Variants in ZFP14 observed in about 807,000 individuals in gnomAD.
ZFP14 encodes ZFP14 zinc finger protein, also known as zinc finger protein 14 homolog.
A neutral mutation model predicts 54.5 loss-of-function variants in ZFP14; 22 were observed. The ratio of observed to expected loss-of-function variants is 0.40; its 90% CI spans 0.29 to 0.58. ZFP14 has a LOEUF of 0.58. Among genes scored for constraint, ZFP14 ranks in the 20% least tolerant of loss-of-function variants. The pLI is 0.39. For missense variants in ZFP14, 470 were observed against 637.8 expected, an observed-to-expected ratio of 0.74 and a Z score of 2.83; for synonymous variants, 159 against 204.0, an observed-to-expected ratio of 0.78 and a Z score of 1.88.
intron 1 of ZFP14, among the ~76,000 whole-genome samples, chr19:36,369,294 T>C (rs2031844332): frequency 6.6e-6 from 1 of 152,234 alleles, no homozygotes; most frequent in South Asian, 2.1e-4. Flanking sequence ...TGCTCTCCTT[T>C]TAATAGCTCA....
At position 36,341,123 on chromosome 19, in the gene ZFP14, T is replaced by A; in HGVS notation, c.703A>T (p.Lys235Ter). 6.2e-7 allele frequency: 1 copy of A among 1,614,088 alleles called. No individual in the cohort carries two copies. Among genetic ancestry groups the A allele is most frequent in the Non-Finnish European group, 8.5e-7 (1 of 1,179,982 alleles). Reference sequence around the variant, plus strand: ...AGTTCTTGGAGCACTGTAAAGGCCTTCCCACACTCCTTACATTCATAGGGT... The same window carrying A: ...AGTTCTTGGAGCACTGTAAAGGCCTACCCACACTCCTTACATTCATAGGGT... Reference protein sequence around the residue: ...EKPYECKECGKAFTVLQELTQ... With the variant: ...EKPYECKECG Residue 235 changes from lysine (K) to a stop codon, truncating the protein, a stop_gained, in exon 5 of 5, where the codon AAG becomes TAG. Transcript: ENST00000270001. LOFTEE classifies it high-confidence loss of function. This position sits in a 1 kb window ranked among gnomAD's most constrained non-coding sequence, Gnocchi z 4.2.
At position 36,340,714 on chromosome 19, in the gene ZFP14, T is replaced by A. The variant is rs139225970; in HGVS notation, c.1112A>T (p.Lys371Met). The stretch of plus-strand genomic sequence containing the variant: ...TAATCTAAAAGTCTTCCCACATTCC[T>A]TACATTCGTAGGGTTTCTCACCAGT... ...IHTGEKPYEC[K>M]ECGKTFRLRQ... The change falls in exon 5 of 5, where the codon AAG (lysine) becomes ATG (methionine). Residue 371 changes from lysine (K) to methionine (M), a missense_variant. By Grantham distance (95) the Lys-to-Met change is moderately conservative. Transcript: ENST00000270001. The surrounding 1 kb of genome is among the most constrained non-coding windows in gnomAD (Gnocchi z 5.4). The A allele has an allele frequency of 6.4e-3, 10,297 of 1,614,100 alleles. 48 individuals carry two copies. Among genetic ancestry groups the A allele is most frequent in the Non-Finnish European group, 8.0e-3 (9,489 of 1,180,014 alleles).
rs936090726 is a variant in ZFP14 at position 36,341,969 on chromosome 19, A to G, written c.236-379T>C. 6.6e-6 allele frequency among the ~76,000 whole-genome samples: 1 copy of G among 151,696 alleles called. No individual in the cohort carries two copies. On this transcript the variant is annotated intron_variant, in intron 4 of 4. Coordinates refer to ENST00000270001, the MANE Select transcript of ZFP14 (RefSeq NM_020917.3). The surrounding 1 kb of genome is among the most constrained non-coding windows in gnomAD (Gnocchi z 4.2). ...CGGGTTCACGCCATTCTCCTGCCTC[A>G]GCCTCCCAAGTAGCTGGGACTACCG...
chr19:36,335,093 C>T lies in ZFP14; in HGVS notation c.*5131G>A, dbSNP rs1031614546. ...TTCACCATGTTGGCCAGGCTGGTCT[C>T]AAACTCCTGACCTCAAGTGATCTGC... On this transcript the variant is annotated 3_prime_UTR_variant, in exon 5 of 5. Coordinates refer to ENST00000270001, the MANE Select transcript of ZFP14 (RefSeq NM_020917.3). 1 of 152,228 alleles carries T rather than the reference C, an allele frequency of 6.6e-6. No homozygotes were observed. Among genetic ancestry groups the T allele is most frequent in the South Asian group, 2.1e-4 (1 of 4,824 alleles). The allele number at this position is 152,228 out of a possible 1,614,324, so 9.4% of individuals were successfully genotyped here.
intron 4 of ZFP14, 64 bp downstream of exon 4, chr19:36,360,371 C>A: frequency 1.4e-6 from 2 of 1,474,978 alleles, no homozygotes; most frequent in Non-Finnish European, 1.9e-6. Context: ...TGTGCCTCCA[C>A]CCTAATCAGT....
In ZFP14 at chr19:36,341,459, A is replaced by T. The variant is rs141835457; in HGVS notation, c.367T>A (p.Trp123Arg). The T allele has an allele frequency of 4.3e-6, 7 of 1,613,980 alleles. No individual in the cohort carries two copies. In the African/African-American group the frequency reaches 8.0e-5, roughly 18 times the overall value. Residue 123 changes from tryptophan (W) to arginine (R), a missense_variant, in exon 5 of 5, where the codon TGG becomes AGG. Physicochemically the swap from Trp to Arg is moderately radical, Grantham distance 101. Coordinates refer to ENST00000270001, the MANE Select transcript of ZFP14 (RefSeq NM_020917.3). This position sits in a 1 kb window ranked among gnomAD's most constrained non-coding sequence, Gnocchi z 4.2. ...CCCTCAATCTTGCTTTTGCATTCCC[A>T]ATCATTCCTAAAAATGGAACCCTGA... ...SLQGSIFRND[W>R]ECKSKIEGEK...
At chr19:36,365,324 C>T (rs186521634) in intron 2 of ZFP14, among the ~76,000 whole-genome samples, 15 of 152,296 alleles carry the variant, frequency 9.8e-5, no homozygotes, top group African/African-American at 3.4e-4. Flanking sequence ...ATCTCTTTTA[C>T]TAAATTCATT....
intron 1 of ZFP14, among the ~76,000 whole-genome samples, chr19:36,373,732 GA>G (rs1483499003): frequency 6.6e-6 from 1 of 151,510 alleles, no homozygotes; most frequent in Non-Finnish European, 1.5e-5. Context: ...GCAACATAGT[GA>G]GACCTTGTCT....
chr19:36,370,692 G>C (rs1404463910), intron 1 of ZFP14, among the ~76,000 whole-genome samples: 3 of 152,202 alleles, frequency 2.0e-5, no homozygotes, highest in Admixed American at 1.3e-4. Flanking sequence ...CAGCCTTTTG[G>C]AGCATCCCAG....
rs2031158397 is a variant in ZFP14 at position 36,334,676 on chromosome 19, A to C, written c.*5548T>G. ...CCTGACTTATGCCGCCCCCAACACA[A>C]CCACTCACCATATCTAAAATTACAC... On this transcript the variant is annotated 3_prime_UTR_variant, in exon 5 of 5. Coordinates refer to ENST00000270001, the MANE Select transcript of ZFP14 (RefSeq NM_020917.3). 6.6e-6 allele frequency: 1 copy of C among 152,054 alleles called. No homozygotes were observed. Among genetic ancestry groups the C allele is most frequent in the African/African-American group, 2.4e-5 (1 of 41,382 alleles). 9.4% of individuals were successfully genotyped at this position (152,054 alleles called of 1,614,324 possible).
chr19:36,364,378 G>A (rs2031759160), intron 2 of ZFP14, among the ~76,000 whole-genome samples: 1 of 152,164 alleles, frequency 6.6e-6, no homozygotes, highest in Non-Finnish European at 1.5e-5. Context: ...AAGGTGAGGT[G>A]TTCCCTGGTT....
At chr19:36,378,494 C>T (rs2031997914) in intron 1 of ZFP14, 1 of 152,184 alleles carries the variant, frequency 6.6e-6, no homozygotes, top group Non-Finnish European at 1.5e-5. Flanking sequence ...TTTCATTCCA[C>T]AGAAGAGGAA....
intron 1 of ZFP14, chr19:36,378,675 G>A (rs2032000888): frequency 1.3e-5 from 2 of 152,214 alleles, no homozygotes; most frequent in Non-Finnish European, 2.9e-5. Context: ...GGAATCTTGA[G>A]ACCGCGGGCC....
At chr19:36,369,384 GTTTCTTT>G (rs2031846088) in intron 1 of ZFP14, among the ~76,000 whole-genome samples, 1 of 151,886 alleles carries the variant, frequency 6.6e-6, no homozygotes, top group Admixed American at 6.6e-5. Context: ...TAAAAAGCCC[GTTTCTTT>G]TTTCTTTTTT....
intron 4 of ZFP14, among the ~76,000 whole-genome samples, chr19:36,345,872 A>G (rs1038058116): frequency 1.3e-5 from 2 of 152,224 alleles, no homozygotes; most frequent in Non-Finnish European, 2.9e-5. Context: ...GAAGGAAAAT[A>G]TATGAGTATC....
intron 2 of ZFP14, among the ~76,000 whole-genome samples, chr19:36,364,189 A>G (rs1417362614): frequency 1.3e-5 from 2 of 152,154 alleles, no homozygotes. Context: ...CCCTGCCCTA[A>G]AAAGTACAAG....
chr19:36,340,317 A>G lies in ZFP14; in HGVS notation c.1509T>C (p.Thr503=). 6.2e-7 allele frequency: 1 copy of G among 1,614,142 alleles called. No homozygotes were observed. The highest frequency in any genetic ancestry group is 8.5e-7 in the Non-Finnish European group (1 of 1,180,020). ...SFLTQHQRIH[T]GEKPYKCKEC... is the part of the protein sequence containing the mutation. ...CCTTACACTTGTAGGGCTTCTCACC[A>G]GTATGAATTCTCTGGTGTTGAGTAA... Residue 503 remains threonine (T), a synonymous_variant, in exon 5 of 5, where the codon ACT becomes ACC. Coordinates refer to ENST00000270001, the MANE Select transcript of ZFP14 (RefSeq NM_020917.3). This position sits in a 1 kb window ranked among gnomAD's most constrained non-coding sequence, Gnocchi z 5.4.
At position 36,334,869 on chromosome 19, in the gene ZFP14, T is replaced by C. The variant is rs928924338; in HGVS notation, c.*5355A>G. On this transcript the variant is annotated 3_prime_UTR_variant, in exon 5 of 5. Transcript: ENST00000270001. ...ATGTATACTTTGAATTCCTCAAAAGTAGATTTTTATTTTATTTTATTTGAG... is the reference window on the plus strand; with the variant it reads ...ATGTATACTTTGAATTCCTCAAAAGCAGATTTTTATTTTATTTTATTTGAG... 4.2e-5 allele frequency: 6 copies of C among 141,584 alleles called. No homozygotes were observed. Among genetic ancestry groups the C allele is most frequent in the Admixed American group, 7.4e-5 (1 of 13,600 alleles). 8.8% of individuals were successfully genotyped at this position (141,584 alleles called of 1,614,324 possible). A position where few individuals can be genotyped will look rare whatever the true frequency, so the allele number is the denominator to read the frequency against.
chr19:36,375,716 C>T (rs2031951109), intron 1 of ZFP14, among the ~76,000 whole-genome samples: 1 of 152,032 alleles, frequency 6.6e-6, no homozygotes, highest in African/African-American at 2.4e-5. Context: ...CGCCACCATG[C>T]CCGGGTAATT....
Sources: gnomAD v4.1 joint callset for allele counts (sites outside exome capture counted in the v4.1 genomes callset) on GRCh38, gnomAD v4.1.1 for gene constraint, Gnocchi (gnomAD v3.1) non-coding constraint, MANE v1.5 for transcripts, NCBI Gene and HGNC (gene_info 2026-07-23, HGNC 2026-07-21) for gene names.